EYS: variants seen among roughly 807,000 people sequenced by gnomAD.
The protein encoded by EYS is EGF-like photoreceptor maintenance factor.
A neutral mutation model predicts 282.1 loss-of-function variants in EYS; 250 were observed. The ratio of observed to expected loss-of-function variants is 0.89; its 90% CI spans 0.80 to 0.98. EYS has a LOEUF of 0.98. Among genes scored for constraint, EYS ranks in the 50% least tolerant of loss-of-function variants. The pLI is 0.00. For missense variants in EYS, 4,016 were observed against 3,709.0 expected, an observed-to-expected ratio of 1.08 and a Z score of -2.15; for synonymous variants, 1,355 against 1,282.9, an observed-to-expected ratio of 1.06 and a Z score of -1.20.
At chr6:64,192,572 C>G (rs896216645) in intron 31 of EYS, among the ~76,000 whole-genome samples, 16 of 151,954 alleles carry the variant, frequency 1.1e-4, no homozygotes, top group Non-Finnish European at 1.9e-4. Context: ...GAAAAACAAG[C>G]AATGGGGAAA....
At chr6:64,952,860 A>G (rs1769561308) in intron 14 of EYS, among the ~76,000 whole-genome samples, 1 of 151,958 alleles carries the variant, frequency 6.6e-6, no homozygotes, top group South Asian at 2.1e-4. Context: ...GAGGGCAGAA[A>G]CTTTCTTTAC....
intron 31 of EYS, among the ~76,000 whole-genome samples, chr6:64,140,219 A>T (rs938159562): frequency 1.3e-5 from 2 of 152,176 alleles, no homozygotes; most frequent in Non-Finnish European, 2.9e-5. Context: ...GTTTATATTG[A>T]TTAATAAACC....
At chr6:64,009,790 A>G (rs1768521272) in intron 33 of EYS, among the ~76,000 whole-genome samples, 1 of 152,182 alleles carries the variant, frequency 6.6e-6, no homozygotes, top group Non-Finnish European at 1.5e-5. Context: ...TTTTGGAGGT[A>G]AAAAGGCACT....
intron 19 of EYS, among the ~76,000 whole-genome samples, chr6:64,830,369 G>T (rs1364776281): frequency 1.3e-5 from 2 of 151,998 alleles, no homozygotes; most frequent in Non-Finnish European, 2.9e-5. Context: ...GGGGAGGGGG[G>T]AAGTAGGACA....
intron 2 of EYS, among the ~76,000 whole-genome samples, chr6:65,604,225 T>C (rs763125907): frequency 6.6e-6 from 1 of 151,946 alleles, no homozygotes; most frequent in Non-Finnish European, 1.5e-5. Flanking sequence ...AGGGAGTTGA[T>C]GTTGGTAATT....
chr6:65,052,323 G>C (rs1443454078), intron 13 of EYS, among the ~76,000 whole-genome samples: 2 of 151,344 alleles, frequency 1.3e-5, no homozygotes, highest in Admixed American at 6.6e-5. Context: ...TTTATACTTT[G>C]AGGCAGTATT....
chr6:65,431,221 G>A (rs1424230162), intron 5 of EYS, among the ~76,000 whole-genome samples: 2 of 152,164 alleles, frequency 1.3e-5, no homozygotes, highest in African/African-American at 2.4e-5. Flanking sequence ...TGTCAGCAAA[G>A]CAGCATTTAA....
chr6:64,919,605 A>G (rs1386455337), intron 15 of EYS, among the ~76,000 whole-genome samples: 1 of 152,036 alleles, frequency 6.6e-6, no homozygotes, highest in East Asian at 1.9e-4. Flanking sequence ...TTATAAGTCA[A>G]TTATTTCAAT....
chr6:65,248,795 T>C (rs1287220826), intron 12 of EYS, among the ~76,000 whole-genome samples: 4 of 152,062 alleles, frequency 2.6e-5, no homozygotes. Context: ...TTTATATGCA[T>C]ATTTATCTAA....
At chr6:65,127,016 A>G (rs1035042918) in intron 12 of EYS, among the ~76,000 whole-genome samples, 6 of 152,118 alleles carry the variant, frequency 3.9e-5, no homozygotes, top group Non-Finnish European at 7.4e-5. Flanking sequence ...GGTCTTGGCA[A>G]TTGATAGAAA....
intron 2 of EYS, among the ~76,000 whole-genome samples, chr6:65,526,572 G>A (rs1767571260): frequency 6.6e-6 from 1 of 152,134 alleles, no homozygotes; most frequent in Non-Finnish European, 1.5e-5. Context: ...TTGGGAGGCC[G>A]AGGGGGGTGG....
At chr6:64,534,518 A>AT (rs1197582023) in intron 26 of EYS, among the ~76,000 whole-genome samples, 3 of 151,840 alleles carry the variant, frequency 2.0e-5, no homozygotes, top group Non-Finnish European at 4.4e-5. Flanking sequence ...CTTAGATTTC[A>AT]TTTTTTTCTG....
Position 63,941,115 on chromosome 6 carries a change from G to A in EYS, c.7055+43268C>T, listed in dbSNP as rs77393136. On this transcript the variant is annotated intron_variant, in intron 35 of 42. Transcript: ENST00000503581. ...ACATTTGGGTTGGTTCCAAGTCTTTGCTATTGTGAATAGTGCCGCAATAAA... is the reference window on the plus strand; with the variant it reads ...ACATTTGGGTTGGTTCCAAGTCTTTACTATTGTGAATAGTGCCGCAATAAA... Among the ~76,000 whole-genome samples the A allele has an allele frequency of 2.0e-3, 300 of 152,192 alleles. 6 individuals carry two copies. In the East Asian group the frequency reaches 0.052, roughly 26 times the overall value.
Position 64,591,211 on chromosome 6 carries a change from T to G in EYS, c.4656A>C (p.Leu1552Phe). ...KSQAADSLRE[L>F]SQTCATCSMT... Reference sequence around the variant, plus strand: ...TAGAACATGTTGCACATGTTTGGCTTAATTCTCTTAAAGAATCAGCAGCCT... The same window carrying G: ...TAGAACATGTTGCACATGTTTGGCTGAATTCTCTTAAAGAATCAGCAGCCT... The change falls in exon 26 of 43, where the codon TTA (leucine) becomes TTC (phenylalanine). Residue 1552 changes from leucine (L) to phenylalanine (F), a missense_variant. Transcript: ENST00000503581. The G allele has an allele frequency of 1.9e-6, 3 of 1,551,416 alleles. No homozygotes were observed. The highest frequency in any genetic ancestry group is 1.2e-5 in the South Asian group (1 of 84,060).
intron 26 of EYS, among the ~76,000 whole-genome samples, chr6:64,571,284 A>G (rs931051546): frequency 6.6e-6 from 1 of 152,138 alleles, no homozygotes; most frequent in African/African-American, 2.4e-5. Context: ...CTTAGTGTTT[A>G]GAGGGAAATT....
chr6:64,862,734 T>G (rs573926844), intron 19 of EYS, among the ~76,000 whole-genome samples: 1 of 152,250 alleles, frequency 6.6e-6, no homozygotes, highest in East Asian at 1.9e-4. Context: ...TCGTATGTAA[T>G]GGCACAGACT....
At chr6:64,520,777 T>C (rs1348272903) in intron 26 of EYS, among the ~76,000 whole-genome samples, 1 of 151,782 alleles carries the variant, frequency 6.6e-6, no homozygotes, top group Non-Finnish European at 1.5e-5. Flanking sequence ...GTAAACTTCA[T>C]AGCACATACA....
chr6:64,351,447 A>G (rs980513095), intron 29 of EYS, among the ~76,000 whole-genome samples: 34 of 151,442 alleles, frequency 2.2e-4, no homozygotes, highest in Non-Finnish European at 4.1e-4. Flanking sequence ...CTATCTATCT[A>G]TCAATCATCT....
chr6:65,014,290 G>A (rs2150134934), intron 13 of EYS, among the ~76,000 whole-genome samples: 1 of 152,320 alleles, frequency 6.6e-6, no homozygotes, highest in Non-Finnish European at 1.5e-5. Context: ...TTTCAGTCTT[G>A]TGAGACCATG....
Sources: gnomAD v4.1 joint callset for allele counts (sites outside exome capture counted in the v4.1 genomes callset) on GRCh38, gnomAD v4.1.1 for gene constraint, MANE v1.5 for transcripts, NCBI Gene and HGNC (gene_info 2026-07-23, HGNC 2026-07-21) for gene names.